DCP1B: variants seen among roughly 807,000 people sequenced by gnomAD.
DCP1B encodes decapping mRNA 1B.
A neutral mutation model predicts 60.5 loss-of-function variants in DCP1B; 47 were observed. The ratio of observed to expected loss-of-function variants is 0.78; its 90% CI spans 0.61 to 0.99. The LOEUF (loss-of-function observed/expected upper bound fraction) is 0.99. Ranked by LOEUF, DCP1B falls within the 50% of genes least tolerant of loss-of-function variation. The pLI, the probability that DCP1B is intolerant of heterozygous loss-of-function variation, is 0.00. For missense variants in DCP1B, 725 were observed against 756.8 expected (o/e 0.96, Z 0.49); for synonymous variants, 267 against 280.3 (o/e 0.95, Z 0.47).
chr12:1,952,340 C>CA, intron 7 of DCP1B, 76 bp downstream of exon 7: 1 of 1,319,364 alleles, frequency 7.6e-7, no homozygotes, highest in Non-Finnish European at 9.9e-7. Flanking sequence ...AGCCTGGCTA[C>CA]TTTTTTTTTT....
chr12:1,995,666 T>C (rs923052107), intron 2 of DCP1B, among the ~76,000 whole-genome samples: 2 of 152,230 alleles, frequency 1.3e-5, no homozygotes, highest in Non-Finnish European at 2.9e-5. Flanking sequence ...CAGACCTCCA[T>C]CATGCCCACA....
rs770679389 is a variant in DCP1B at position 1,949,177 on chromosome 12, A to C, written c.1682T>G (p.Leu561Arg). 6.2e-7 allele frequency: 1 copy of C among 1,614,146 alleles called. No homozygotes were observed. Among genetic ancestry groups the C allele is most frequent in the East Asian group, 2.2e-5 (1 of 44,880 alleles). ...GGGCTCCGGGCTCTGTATGGGCAGG[A>C]GGAGGCTGGTGGCAGCAGCAGGTGG... Reference protein sequence around the residue: ...QEPPAAATSLLLPIQSPEPSV... With the variant: ...QEPPAAATSLRLPIQSPEPSV... The change falls in exon 8 of 9, where the codon CTC becomes CGC. Residue 561 changes from leucine to arginine, a missense_variant. Transcript: ENST00000280665.
At chr12:1,975,780 C>T (rs906129723) in intron 3 of DCP1B, among the ~76,000 whole-genome samples, 2 of 152,134 alleles carry the variant, frequency 1.3e-5, no homozygotes, top group Non-Finnish European at 2.9e-5. Context: ...TATGACTTTG[C>T]CACATGGGTT....
rs369322665 is a variant in DCP1B, at chr12:1,986,015, G to A, written c.319+7249C>T. 1.1e-4 allele frequency among the ~76,000 whole-genome samples: 16 copies of A among 151,962 alleles called. 1 individual carries two copies. The highest frequency in any genetic ancestry group is 6.2e-4 in the South Asian group (3 of 4,816). ...TTTTTAGTAGAGATGGAGTTTCACC[G>A]TGTTAGCCAGGATGGTCTCGATCTC... On this transcript the variant is annotated intron_variant, in intron 3 of 8. Coordinates refer to ENST00000280665, the MANE Select transcript of DCP1B (RefSeq NM_152640.5).
rs1470300445 is a variant in DCP1B at position 1,971,860 on chromosome 12, C to G, written c.320-3950G>C. On this transcript the variant is annotated intron_variant, in intron 3 of 8. Transcript: ENST00000280665. This position sits in a 1 kb window ranked among gnomAD's most constrained non-coding sequence, Gnocchi z 4.2. ...TTTATAATTTGTTTTATATTTTTAC[C>G]CAAATACCATACAACTCCAAATCAT... 6.6e-6 allele frequency among the ~76,000 whole-genome samples: 1 copy of G among 151,750 alleles called. No homozygotes were observed. Among genetic ancestry groups the G allele is most frequent in the Non-Finnish European group, 1.5e-5 (1 of 67,956 alleles).
chr12:1,964,197 A>G (rs922624080), intron 5 of DCP1B, among the ~76,000 whole-genome samples: 9 of 152,178 alleles, frequency 5.9e-5, no homozygotes, highest in Non-Finnish European at 1.3e-4. Flanking sequence ...TTTTCTAAGT[A>G]ATTATGTGAC....
chr12:1,951,482 T>C (rs1293634507), intron 7 of DCP1B, among the ~76,000 whole-genome samples: 1 of 152,178 alleles, frequency 6.6e-6, no homozygotes, highest in African/African-American at 2.4e-5. Flanking sequence ...CTGTCCCAAG[T>C]CAGTGATGGA....
In DCP1B at chr12:1,962,561, TTAATCTTTAGTGTGCATAATATAGTA is replaced by T. The variant is rs1377408820; in HGVS notation, c.522+2971_522+2996del. Among the ~76,000 whole-genome samples the T allele has an allele frequency of 5.3e-5, 8 of 152,172 alleles. No individual in the cohort carries two copies. The South Asian group carries it at 6.2e-4, about 12-fold the overall frequency. Reference sequence around the variant, plus strand: ...GGGCAGAAATGTCACCTTTTGAAGATTAATCTTTAGTGTGCATAATATAGTATAATTAATAAAGTATAACTAATTAT... The same window carrying T: ...GGGCAGAAATGTCACCTTTTGAAGATTAATTAATAAAGTATAACTAATTAT... On this transcript the variant is annotated intron_variant, in intron 5 of 8. Transcript: ENST00000280665. This position sits in a 1 kb window ranked among gnomAD's most constrained non-coding sequence, Gnocchi z 4.4.
chr12:1,993,627 G>GGTGT (rs150056084), intron 2 of DCP1B, among the ~76,000 whole-genome samples: 2,520 of 146,642 alleles, frequency 0.017, 54 homozygotes, highest in African/African-American at 0.051. Context: ...CTTCATTTGT[G>GGTGT]GTGTGTGTGT....
At chr12:1,992,286 T>C (rs2039613223) in intron 3 of DCP1B, 1 of 158,888 alleles carries the variant, frequency 6.3e-6, no homozygotes, top group Non-Finnish European at 1.4e-5. Flanking sequence ...AACCACCTAT[T>C]ATGACAATTA....
intron 7 of DCP1B, chr12:1,949,958 A>T (rs1351502963): frequency 4.5e-6 from 1 of 220,060 alleles, no homozygotes; most frequent in Non-Finnish European, 9.1e-6. Flanking sequence ...CTGTCTGCTG[A>T]GTCTAACTCC....
chr12:1,943,975 AGG>A (rs2030343929), downstream of DCP1B, among the ~76,000 whole-genome samples: 4 of 152,296 alleles, frequency 2.6e-5, no homozygotes, highest in East Asian at 7.7e-4. Context: ...ATATTCAAAT[AGG>A]AACAGAGGAA....
intron 8 of DCP1B, 90 bp from the exon 9 acceptor site, chr12:1,946,376 G>T: frequency 1.1e-6 from 1 of 925,664 alleles, no homozygotes. Context: ...CTGGCCTTTG[G>T]ATACTGAGAC....
At chr12:2,002,062 T>C (rs908558551) in intron 1 of DCP1B, among the ~76,000 whole-genome samples, 4 of 152,188 alleles carry the variant, frequency 2.6e-5, no homozygotes, top group Non-Finnish European at 5.9e-5. Context: ...AAATTCCTAT[T>C]CCAGTCATCA....
chr12:1,945,499 A>G (rs2030387467), downstream of DCP1B, among the ~76,000 whole-genome samples: 1 of 152,186 alleles, frequency 6.6e-6, no homozygotes, highest in African/African-American at 2.4e-5. Context: ...TTATAACTCT[A>G]CTTATTACTG....
At chr12:1,958,780 A>G (rs542618140) in intron 5 of DCP1B, among the ~76,000 whole-genome samples, 4 of 134,224 alleles carry the variant, frequency 3.0e-5, no homozygotes, top group Non-Finnish European at 6.4e-5. Flanking sequence ...AAGCTCCCCA[A>G]CGTCGCTCTG....
intron 1 of DCP1B, among the ~76,000 whole-genome samples, chr12:1,998,900 C>G (rs527932717): frequency 6.6e-6 from 1 of 152,268 alleles, no homozygotes; most frequent in Admixed American, 6.5e-5. Context: ...CATAATCATT[C>G]AAAATTTAAG....
At chr12:1,996,725 G>A (rs1284453179) in intron 2 of DCP1B, among the ~76,000 whole-genome samples, 1 of 147,898 alleles carries the variant, frequency 6.8e-6, no homozygotes, top group Non-Finnish European at 1.5e-5. Context: ...GCCATCTTGG[G>A]CCACGTGTCC....
At chr12:1,999,182 T>G (rs990769638) in intron 1 of DCP1B, among the ~76,000 whole-genome samples, 4 of 152,184 alleles carry the variant, frequency 2.6e-5, no homozygotes, top group South Asian at 2.1e-4. Flanking sequence ...GCAATCTGGG[T>G]TTTATTAAAC....
Sources: allele counts gnomAD v4.1 joint callset (sites outside exome capture counted in the v4.1 genomes callset), GRCh38; gene constraint gnomAD v4.1.1; non-coding constraint Gnocchi (gnomAD v3.1); transcripts MANE v1.5; gene names NCBI Gene and HGNC (gene_info 2026-07-23, HGNC 2026-07-21).